Variants in RARB observed in about 807,000 individuals in gnomAD.
RARB encodes the protein retinoic acid receptor beta.
In RARB, 17 loss-of-function variants were observed where a neutral mutation model predicts 51.9. The observed-to-expected ratio is 0.33, with a 90% confidence interval of 0.22 to 0.49. The LOEUF is 0.49. RARB is among the 20% of genes least tolerant of loss of function. The probability of loss-of-function intolerance (pLI) is 0.99; values close to 1 mark genes in which losing one functional copy is unlikely to be tolerated. For synonymous variants in RARB, 215 were observed against 195.4 expected (o/e 1.10, Z -0.84); for missense variants, 369 against 550.8 (o/e 0.67, Z 3.30).
chr3:25,382,042 A>G (rs1341512902), intron 5 of RARB, among the ~76,000 whole-genome samples: 1 of 152,204 alleles, frequency 6.6e-6, no homozygotes, highest in Non-Finnish European at 1.5e-5. Context: ...GCAAGATAGC[A>G]ATATTCTAAC....
chr3:25,363,709 T>G (rs2125465826), intron 5 of RARB, among the ~76,000 whole-genome samples: 1 of 152,312 alleles, frequency 6.6e-6, no homozygotes, highest in Non-Finnish European at 1.5e-5. Flanking sequence ...GCCTTATAAC[T>G]TTTTCACAGC....
intron 2 of RARB, among the ~76,000 whole-genome samples, chr3:24,963,756 G>A (rs1400024408): frequency 2.6e-5 from 4 of 151,916 alleles, no homozygotes; most frequent in African/African-American, 9.7e-5. Flanking sequence ...GAATGCACCT[G>A]TGAGAAAATA....
chr3:25,497,586 C>A (rs956454436), intron 2 of RARB, among the ~76,000 whole-genome samples: 1 of 152,156 alleles, frequency 6.6e-6, no homozygotes. Flanking sequence ...AGTAAACTGC[C>A]CAATCCCTCA....
At chr3:25,116,563 G>C (rs987021729) in intron 3 of RARB, among the ~76,000 whole-genome samples, 2 of 152,076 alleles carry the variant, frequency 1.3e-5, no homozygotes, top group African/African-American at 2.4e-5. Flanking sequence ...GATGTGTGCA[G>C]AAAATGTAAT....
intron 2 of RARB, among the ~76,000 whole-genome samples, chr3:25,475,282 C>T (rs1047705296): frequency 6.6e-6 from 1 of 152,048 alleles, no homozygotes; most frequent in Admixed American, 6.6e-5. Context: ...TTTCTGTTCT[C>T]CACTACGTAC....
intron 5 of RARB, among the ~76,000 whole-genome samples, chr3:25,362,103 G>T (rs1559371913): frequency 2.0e-5 from 3 of 152,140 alleles, no homozygotes; most frequent in Admixed American, 1.3e-4. Flanking sequence ...TCTAGGTGCT[G>T]TGTCCCAGGG....
intron 4 of RARB, among the ~76,000 whole-genome samples, chr3:25,172,921 C>T (rs1273818916): frequency 6.6e-6 from 1 of 152,088 alleles, no homozygotes; most frequent in African/African-American, 2.4e-5. Context: ...ATTGAAAGGA[C>T]AAATAATTGC....
intron 2 of RARB, among the ~76,000 whole-genome samples, chr3:25,484,046 A>G (rs1373713337): frequency 6.6e-6 from 1 of 152,218 alleles, no homozygotes; most frequent in Admixed American, 6.5e-5. Context: ...TTTCTACCAA[A>G]ATGTTCCGTT....
chr3:25,116,654 T>C (rs1410735561), intron 3 of RARB, among the ~76,000 whole-genome samples: 1 of 151,974 alleles, frequency 6.6e-6, no homozygotes, highest in African/African-American at 2.4e-5. Flanking sequence ...TGCAAGAGGA[T>C]GTGAAGCTAC....
intron 5 of RARB, among the ~76,000 whole-genome samples, chr3:25,310,223 G>C (rs1704256605): frequency 6.6e-6 from 1 of 152,164 alleles, no homozygotes; most frequent in South Asian, 2.1e-4. Flanking sequence ...TCATAGTAAG[G>C]TGAGATAGAG....
intron 5 of RARB, among the ~76,000 whole-genome samples, chr3:25,389,375 C>T (rs1706884123): frequency 6.6e-6 from 1 of 152,080 alleles, no homozygotes; most frequent in South Asian, 2.1e-4. Context: ...CTCATTTTTC[C>T]ACAGCACCAT....
intron 2 of RARB, among the ~76,000 whole-genome samples, chr3:25,011,427 C>T (rs1009575732): frequency 2.0e-5 from 3 of 152,022 alleles, no homozygotes; most frequent in Admixed American, 6.6e-5. Context: ...GAGTCTAAAA[C>T]TTTGTTAATG....
intron 4 of RARB, among the ~76,000 whole-genome samples, chr3:25,572,260 C>T (rs1388814591): frequency 6.6e-6 from 1 of 152,130 alleles, no homozygotes; most frequent in African/African-American, 2.4e-5. Flanking sequence ...AAATAATGAA[C>T]AGTAATTGAT....
chr3:24,951,502 G>A (rs375881991), intron 2 of RARB, among the ~76,000 whole-genome samples: 4 of 152,270 alleles, frequency 2.6e-5, no homozygotes, highest in South Asian at 2.1e-4. Context: ...CTAGCTAAAC[G>A]CTTGCTGAGA....
intron 5 of RARB, among the ~76,000 whole-genome samples, chr3:25,264,731 C>T (rs57402663): frequency 0.1 from 15,639 of 152,118 alleles, 993 homozygotes; most frequent in South Asian, 0.25. Flanking sequence ...GGGAATATAA[C>T]TTTTCAGATG....
At position 25,174,306 on chromosome 3, in the gene RARB, C is replaced by A. The variant is rs961731917; in HGVS notation, c.-92C>A. The A allele has an allele frequency of 3.6e-5, 40 of 1,116,742 alleles. 1 individual carries two copies. In the South Asian group the frequency reaches 3.8e-4, roughly 11 times the overall value. The allele number at this position is 1,116,742 out of a possible 1,614,324, so 69.2% of individuals were successfully genotyped here. The stretch of plus-strand genomic sequence containing the variant: ...CCCAGAACACAGCTCAGCCTCAACT[C>A]CTGCAGTGCATTTGCCTCCCTCACT... On this transcript the variant is annotated 5_prime_UTR_variant, in exon 5 of 12. Transcript: ENST00000383772.
intron 5 of RARB, among the ~76,000 whole-genome samples, chr3:25,319,251 G>C (rs1055547840): frequency 2.0e-5 from 3 of 152,148 alleles, no homozygotes; most frequent in African/African-American, 7.2e-5. Context: ...CTGAGATCCT[G>C]CCATCAAACC....
intron 3 of RARB, among the ~76,000 whole-genome samples, chr3:25,539,462 C>T (rs1040776723): frequency 2.0e-5 from 3 of 151,170 alleles, no homozygotes; most frequent in African/African-American, 4.9e-5. Flanking sequence ...TTTCAGTGGT[C>T]GCTTTTGTGG....
chr3:25,309,423 G>A (rs1372236569), intron 5 of RARB, among the ~76,000 whole-genome samples: 2 of 147,632 alleles, frequency 1.4e-5, no homozygotes, highest in Non-Finnish European at 3.0e-5. Context: ...ACAGGCGTGA[G>A]CCACCATGCC....
Sources: gnomAD v4.1 joint callset for allele counts (sites outside exome capture counted in the v4.1 genomes callset) on GRCh38, gnomAD v4.1.1 for gene constraint, MANE v1.5 for transcripts, NCBI Gene and HGNC (gene_info 2026-07-23, HGNC 2026-07-21) for gene names.